Variants in ANKS1B observed in about 807,000 individuals in gnomAD.
ANKS1B encodes ankyrin repeat and sterile alpha motif domain-containing protein 1B.
In ANKS1B, 36 loss-of-function variants were observed where a neutral mutation model predicts 148.3. The ratio of observed to expected loss-of-function variants is 0.24; its 90% CI spans 0.19 to 0.32. The LOEUF (loss-of-function observed/expected upper bound fraction) is 0.32. ANKS1B is among the 10% of genes least tolerant of loss of function. The pLI, the probability that ANKS1B is intolerant of heterozygous loss-of-function variation, is 1.00. For synonymous variants in ANKS1B, 542 were observed against 560.8 expected (o/e 0.97, Z 0.47); for missense variants, 1,157 against 1,542.6 (o/e 0.75, Z 4.19).
At chr12:99,892,932 T>C (rs1157773913) in intron 1 of ANKS1B, among the ~76,000 whole-genome samples, 1 of 152,192 alleles carries the variant, frequency 6.6e-6, no homozygotes, top group Non-Finnish European at 1.5e-5. Context: ...AGAATCTGGA[T>C]GTCCAACAAG....
chr12:99,184,080 T>C (rs2079479826), intron 14 of ANKS1B, among the ~76,000 whole-genome samples: 1 of 152,258 alleles, frequency 6.6e-6, no homozygotes, highest in Non-Finnish European at 1.5e-5. Context: ...ATTCACCTGT[T>C]GTTTAGAATC....
At chr12:99,511,552 GA>G (rs538303291) in intron 9 of ANKS1B, among the ~76,000 whole-genome samples, 2 of 151,974 alleles carry the variant, frequency 1.3e-5, no homozygotes, top group East Asian at 1.9e-4. Flanking sequence ...CACAGAATTA[GA>G]AAAAAACTAA....
At chr12:99,003,663 C>T (rs757077487) in intron 17 of ANKS1B, among the ~76,000 whole-genome samples, 1 of 152,178 alleles carries the variant, frequency 6.6e-6, no homozygotes, top group Non-Finnish European at 1.5e-5. Context: ...TCTATGAAGG[C>T]AGGACCATGT....
intron 12 of ANKS1B, among the ~76,000 whole-genome samples, chr12:99,275,064 T>C (rs1026457848): frequency 1.4e-4 from 21 of 152,208 alleles, no homozygotes; most frequent in African/African-American, 4.8e-4. Flanking sequence ...TTAAAATTTT[T>C]GTGGGTAGAT....
chr12:98,839,567 A>G (rs1177257842), intron 17 of ANKS1B, among the ~76,000 whole-genome samples: 1 of 152,202 alleles, frequency 6.6e-6, no homozygotes, highest in Non-Finnish European at 1.5e-5. Flanking sequence ...TTTAAGTATA[A>G]CAGAAACTTA....
intron 9 of ANKS1B, among the ~76,000 whole-genome samples, chr12:99,532,259 A>C (rs990534540): frequency 2.6e-5 from 4 of 152,126 alleles, no homozygotes; most frequent in African/African-American, 9.7e-5. Flanking sequence ...GCCCTAAATT[A>C]TTTGCCGAAG....
chr12:99,617,615 A>G (rs2097984678), intron 9 of ANKS1B, among the ~76,000 whole-genome samples: 1 of 152,084 alleles, frequency 6.6e-6, no homozygotes, highest in African/African-American at 2.4e-5. Flanking sequence ...GGGGAGGGGA[A>G]CATCACACAC....
intron 26 of ANKS1B, among the ~76,000 whole-genome samples, chr12:98,750,469 G>A (rs7311164): frequency 0.065 from 9,836 of 152,236 alleles, 336 homozygotes; most frequent in Middle Eastern, 0.099. Flanking sequence ...AAAGGGAGGT[G>A]CCTCCCTGCA....
chr12:99,127,959 A>G (rs1190736462), intron 15 of ANKS1B, among the ~76,000 whole-genome samples: 1 of 152,232 alleles, frequency 6.6e-6, no homozygotes, highest in Non-Finnish European at 1.5e-5. Context: ...CAAACCAGAA[A>G]TTGAAAACTA....
chr12:99,742,516 G>A (rs371046197), intron 8 of ANKS1B, among the ~76,000 whole-genome samples: 3 of 152,036 alleles, frequency 2.0e-5, no homozygotes, highest in Admixed American at 1.3e-4. Context: ...AAAAATAAGA[G>A]TAAGTGAAAT....
At chr12:99,517,442 G>C (rs533449808) in intron 9 of ANKS1B, among the ~76,000 whole-genome samples, 17 of 151,896 alleles carry the variant, frequency 1.1e-4, no homozygotes, top group African/African-American at 3.9e-4. Flanking sequence ...ATCATGCTAG[G>C]TGTGGTGGCT....
intron 8 of ANKS1B, among the ~76,000 whole-genome samples, chr12:99,688,121 G>C (rs1056759427): frequency 6.6e-6 from 1 of 152,082 alleles, no homozygotes; most frequent in Non-Finnish European, 1.5e-5. Context: ...TCTTTTCACT[G>C]TTGGGAATAT....
At chr12:99,066,355 T>A (rs2044328298) in intron 16 of ANKS1B, among the ~76,000 whole-genome samples, 1 of 151,928 alleles carries the variant, frequency 6.6e-6, no homozygotes, top group Non-Finnish European at 1.5e-5. Flanking sequence ...AGACGGTGGA[T>A]TGGCTGTGTT....
At chr12:99,362,622 T>G (rs1420963098) in intron 12 of ANKS1B, among the ~76,000 whole-genome samples, 4 of 152,060 alleles carry the variant, frequency 2.6e-5, no homozygotes, top group African/African-American at 9.7e-5. Context: ...AATTTTTTAT[T>G]ACGGTATCTT....
rs76481556 is a variant in ANKS1B, at chr12:99,055,036, T to C, written c.2626-1727A>G. On this transcript the variant is annotated intron_variant, in intron 16 of 26. Coordinates refer to ENST00000683438, the MANE Select transcript of ANKS1B (RefSeq NM_001352186.2). Reference sequence around the variant, plus strand: ...ACAAATGTAAATGACAACTCAGCATTTGCAGAATGAAAGTCAGTGGCATTC... The same window carrying C: ...ACAAATGTAAATGACAACTCAGCATCTGCAGAATGAAAGTCAGTGGCATTC... Among the ~76,000 whole-genome samples, 655 of 152,314 alleles carry C rather than the reference T, an allele frequency of 4.3e-3. 26 individuals are homozygous for C. In the East Asian group the frequency reaches 0.092, roughly 21 times the overall value.
intron 8 of ANKS1B, among the ~76,000 whole-genome samples, chr12:99,669,604 C>T (rs1200532769): frequency 1.3e-5 from 2 of 152,122 alleles, no homozygotes; most frequent in South Asian, 2.1e-4. Context: ...TGTGTGAGCT[C>T]CAGGGATTTT....
At chr12:99,554,835 TCTC>T (rs1258763138) in intron 9 of ANKS1B, among the ~76,000 whole-genome samples, 1 of 152,078 alleles carries the variant, frequency 6.6e-6, no homozygotes. Context: ...GTTTTTCAGT[TCTC>T]CTCCTCCTCC....
At chr12:99,453,230 G>C (rs769831000) in intron 10 of ANKS1B, among the ~76,000 whole-genome samples, 25 of 151,916 alleles carry the variant, frequency 1.6e-4, no homozygotes, top group Admixed American at 4.6e-4. Flanking sequence ...GCAGAGCTTG[G>C]AGTGAGCCGA....
At chr12:99,655,850 G>A (rs1024306490) in intron 8 of ANKS1B, among the ~76,000 whole-genome samples, 1 of 152,156 alleles carries the variant, frequency 6.6e-6, no homozygotes, top group Non-Finnish European at 1.5e-5. Context: ...TCTGGATAAT[G>A]TTGAGTAACT....
Sources: allele counts gnomAD v4.1 joint callset (sites outside exome capture counted in the v4.1 genomes callset), GRCh38; gene constraint gnomAD v4.1.1; transcripts MANE v1.5; gene names NCBI Gene and HGNC (gene_info 2026-07-23, HGNC 2026-07-21).